The following SLC18A1 variants were observed in gnomAD, a reference collection of about 807,000 sequenced individuals.
SLC18A1 encodes the protein solute carrier family 18 member A1.
In SLC18A1, 69 loss-of-function variants were observed where a neutral mutation model predicts 53.7. The observed-to-expected ratio is 1.28, with a 90% CI of 1.06 to 1.57. The LOEUF (loss-of-function observed/expected upper bound fraction) is 1.57, where lower values mean the gene tolerates loss of function less well. Among genes scored for constraint, SLC18A1 ranks in the 40% most tolerant of loss-of-function variants. The pLI, the probability that SLC18A1 is intolerant of heterozygous loss-of-function variation, is 0.00. For synonymous variants in SLC18A1, 320 were observed against 248.1 expected, an observed-to-expected ratio of 1.29 and a Z score of -2.72; for missense variants, 932 against 668.1, an observed-to-expected ratio of 1.40 and a Z score of -4.35.
chr8:20,167,843 A>C (rs1380098087), intron 8 of SLC18A1, among the ~76,000 whole-genome samples: 1 of 151,718 alleles, frequency 6.6e-6, no homozygotes, highest in Non-Finnish European at 1.5e-5. Context: ...GGATGGTCTC[A>C]ATCTCCTGAC....
At chr8:20,148,436 C>T in intron 12 of SLC18A1, 1 of 1,290,730 alleles carries the variant, frequency 7.7e-7, no homozygotes, top group East Asian at 5.4e-5. Context: ...CTCCTGGTCT[C>T]ATTCTTCATG....
At chr8:20,147,145 A>T in intron 15 of SLC18A1, 113 bp downstream of exon 15, 1 of 1,116,224 alleles carries the variant, frequency 9.0e-7, no homozygotes, top group Non-Finnish European at 1.3e-6. Context: ...AAGCAGAGAG[A>T]GTATCAACAG....
At chr8:20,179,609 A>T in intron 2 of SLC18A1, 125 bp from the exon 3 acceptor site, 3 of 1,268,090 alleles carry the variant, frequency 2.4e-6, no homozygotes, top group Non-Finnish European at 3.3e-6. Flanking sequence ...ATGGGGGCTA[A>T]GGACAGATGT....
chr8:20,171,144 G>T lies in SLC18A1; in HGVS notation c.817C>A (p.Leu273Ile). Reference sequence around the variant, plus strand: ...GAAGGCTGTAGGATGCAAAGCTGGAGTGCTAAGAAACAAAGAAGGTGAGAC... The same window carrying T: ...GAAGGCTGTAGGATGCAAAGCTGGATTGCTAAGAAACAAAGAAGGTGAGAC... ...LAFLALLDGALQLCILQPSKV... is the reference protein window; with the variant it reads ...LAFLALLDGAIQLCILQPSKV... Residue 273 changes from leucine (L) to isoleucine (I), a missense_variant and splice_region_variant, in exon 8 of 16, where the codon CTC becomes ATC. Transcript: ENST00000276373. The T allele has an allele frequency of 6.2e-7, 1 of 1,614,186 alleles. No individual in the cohort carries two copies.
intron 8 of SLC18A1, among the ~76,000 whole-genome samples, chr8:20,170,677 C>G (rs1410492935): frequency 6.6e-6 from 1 of 152,104 alleles, no homozygotes; most frequent in Admixed American, 6.6e-5. Flanking sequence ...CCCCCACAGC[C>G]TTCATCTCTG....
At chr8:20,167,916 C>T (rs1015490407) in intron 8 of SLC18A1, among the ~76,000 whole-genome samples, 12 of 152,094 alleles carry the variant, frequency 7.9e-5, no homozygotes, top group Admixed American at 7.2e-4. Flanking sequence ...CCACCGTGCC[C>T]GGCCCCATAG....
At chr8:20,150,254 C>T (rs1429925434) in intron 11 of SLC18A1, among the ~76,000 whole-genome samples, 1 of 152,188 alleles carries the variant, frequency 6.6e-6, no homozygotes, top group East Asian at 1.9e-4. Flanking sequence ...TAGCTCTTGG[C>T]CCCCAACCCT....
chr8:20,165,927 A>C (rs367940580), intron 8 of SLC18A1, among the ~76,000 whole-genome samples: 3 of 152,284 alleles, frequency 2.0e-5, no homozygotes, highest in African/African-American at 7.2e-5. Flanking sequence ...ATCTTGTAAT[A>C]GATTGGATCA....
chr8:20,150,555 C>G (rs536051180), intron 11 of SLC18A1, 111 bp downstream of exon 11: 49 of 944,586 alleles, frequency 5.2e-5, no homozygotes, highest in East Asian at 1.4e-4. Context: ...TCGGTGTGTA[C>G]TCATCCTAAA....
rs140329972 is a variant in SLC18A1 at position 20,148,302 on chromosome 8, A to G, written c.1147-232T>C. On this transcript the variant is annotated intron_variant, in intron 12 of 15. Transcript: ENST00000276373. ...TTTATTGCTCTATCCAGAGTTACAG[A>G]TCTAATGAGTGGCAAGATCAAGTTT... The G allele has an allele frequency of 1.2e-4, 71 of 596,992 alleles. No homozygotes were observed. The African/African-American group carries it at 1.3e-3, about 11-fold the overall frequency. The allele number at this position is 596,992 out of a possible 1,614,324, so 37.0% of individuals were successfully genotyped here.
intron 10 of SLC18A1, among the ~76,000 whole-genome samples, chr8:20,154,412 C>T (rs2071632380): frequency 6.6e-6 from 1 of 152,048 alleles, no homozygotes; most frequent in South Asian, 2.1e-4. Flanking sequence ...GGAGGGACAA[C>T]TAAGAGGTCA....
chr8:20,182,421 T>C (rs116839168), intron 1 of SLC18A1, among the ~76,000 whole-genome samples: 3,349 of 152,282 alleles, frequency 0.022, 141 homozygotes, highest in African/African-American at 0.077. Flanking sequence ...TTAAACTGTG[T>C]TTTCAACTTT....
chr8:20,178,562 A>C, intron 3 of SLC18A1, 69 bp from the exon 4 acceptor site: 1 of 1,184,380 alleles, frequency 8.4e-7, no homozygotes, highest in Non-Finnish European at 1.2e-6. Flanking sequence ...CTACATTTTT[A>C]AATGTAAGTG....
chr8:20,181,360 A>T (rs2072424927), intron 1 of SLC18A1, among the ~76,000 whole-genome samples: 1 of 152,118 alleles, frequency 6.6e-6, no homozygotes, highest in African/African-American at 2.4e-5. Context: ...TCCGACATTT[A>T]TTTGCCTATC....
At position 20,147,386 on chromosome 8, in the gene SLC18A1, A is replaced by G. The variant is rs760764641; in HGVS notation, c.1336T>C (p.Ser446Pro). Reference protein sequence around the residue: ...AFCMGFAIGPSTGGAIVKAIG... With the variant: ...AFCMGFAIGPPTGGAIVKAIG... ...GCCTTTACAATGGCACCACCGGTGGATGGACCTGGGAGGGATACATCAAAG... is the reference window on the plus strand; with the variant it reads ...GCCTTTACAATGGCACCACCGGTGGGTGGACCTGGGAGGGATACATCAAAG... The change falls in exon 15 of 16, where the codon TCC becomes CCC. Residue 446 changes from serine to proline, a missense_variant. Physicochemically the swap from Ser to Pro is moderately conservative, Grantham distance 74. Transcript: ENST00000276373. 7 of 1,608,630 alleles carry G rather than the reference A, an allele frequency of 4.4e-6. No homozygotes were observed. Among genetic ancestry groups the G allele is most frequent in the African/African-American group, 1.3e-5 (1 of 74,676 alleles).
chr8:20,149,462 C>G (rs1195063241), intron 12 of SLC18A1, among the ~76,000 whole-genome samples: 2 of 152,016 alleles, frequency 1.3e-5, no homozygotes, highest in African/African-American at 2.4e-5. Context: ...AGCTGGTGGC[C>G]TCTTCCCCCG....
At chr8:20,159,651 AAAAAAAAAAAAAG>A (rs2071772101) in intron 10 of SLC18A1, among the ~76,000 whole-genome samples, 5 of 68,438 alleles carry the variant, frequency 7.3e-5, no homozygotes, top group Non-Finnish European at 1.4e-4. Context: ...AAAAAAAAAA[AAAAAAAAAAAAAG>A]AAAGAAAAAG....
chr8:20,178,359 G>T, intron 4 of SLC18A1, 76 bp downstream of exon 4: 1 of 1,175,418 alleles, frequency 8.5e-7, no homozygotes, highest in Non-Finnish European at 1.2e-6. Flanking sequence ...AGGTTACCCT[G>T]CTATCTACAC....
intron 6 of SLC18A1, among the ~76,000 whole-genome samples, 187 bp from the exon 7 acceptor site, chr8:20,171,681 AGT>A (rs111983026): frequency 5.0e-4 from 73 of 147,038 alleles, no homozygotes; most frequent in South Asian, 3.6e-3. Context: ...TAGTGGAGGA[AGT>A]GTGTGTGTGT....
Sources: allele counts gnomAD v4.1 joint callset (sites outside exome capture counted in the v4.1 genomes callset), GRCh38; gene constraint gnomAD v4.1.1; transcripts MANE v1.5; gene names NCBI Gene and HGNC (gene_info 2026-07-23, HGNC 2026-07-21).